CPEB3: variants seen among roughly 807,000 people sequenced by gnomAD.
CPEB3 encodes the protein cytoplasmic polyadenylation element binding protein 3.
In CPEB3, 20 loss-of-function variants were observed where a neutral mutation model predicts 67.2. The ratio of observed to expected loss-of-function variants is 0.30; its 90% CI spans 0.21 to 0.43. The LOEUF is 0.43. CPEB3 is among the 20% of genes least tolerant of loss of function. CPEB3 has a pLI of 1.00. For missense variants in CPEB3, 746 were observed against 968.6 expected (o/e 0.77, Z 3.05); for synonymous variants, 376 against 393.1 (o/e 0.96, Z 0.51).
chr10:92,280,035 G>C (rs1164603416), intron 1 of CPEB3, among the ~76,000 whole-genome samples: 5 of 151,794 alleles, frequency 3.3e-5, no homozygotes, highest in Non-Finnish European at 7.4e-5. Flanking sequence ...GAGAGAAAGA[G>C]AGAGAGAAAG....
intron 8 of CPEB3, among the ~76,000 whole-genome samples, chr10:92,085,278 G>A (rs1470181531): frequency 6.6e-6 from 1 of 152,172 alleles, no homozygotes; most frequent in African/African-American, 2.4e-5. Flanking sequence ...GTGCTCATTG[G>A]TCTGTCTGGT....
At chr10:92,136,298 T>A (rs1316297477) in intron 6 of CPEB3, among the ~76,000 whole-genome samples, 1 of 151,946 alleles carries the variant, frequency 6.6e-6, no homozygotes, top group Non-Finnish European at 1.5e-5. Flanking sequence ...TCTTGAGTAA[T>A]ACCCCACAAG....
chr10:92,087,733 G>A (rs567447590), intron 8 of CPEB3, among the ~76,000 whole-genome samples: 1 of 152,302 alleles, frequency 6.6e-6, no homozygotes, highest in South Asian at 2.1e-4. Flanking sequence ...TTCTGTCAGA[G>A]TGAAGAGATA....
rs369275745 is a variant in CPEB3 at position 92,265,131 on chromosome 10, G to T, written c.-11-24770C>A. On this transcript the variant is annotated intron_variant, in intron 1 of 9. Transcript: ENST00000265997. ...GAGCCGATCCTGACACTGCACTCCA[G>T]CCTGGGCAACACAGCGAGACTCCGC... Among the ~76,000 whole-genome samples, 49 of 151,726 alleles carry T rather than the reference G, an allele frequency of 3.2e-4. 1 individual carries two copies. The highest frequency in any genetic ancestry group is 1.2e-3 in the African/African-American group (48 of 41,286).
intron 9 of CPEB3, among the ~76,000 whole-genome samples, chr10:92,063,812 G>A (rs879577772): frequency 7.9e-5 from 12 of 151,392 alleles, no homozygotes; most frequent in African/African-American, 2.2e-4. Context: ...GGCACGTAAA[G>A]CATGCTTATG....
chr10:92,240,371 GAA>G lies in CPEB3; in HGVS notation c.-11-12_-11-11del. 1 of 1,438,470 alleles carries G rather than the reference GAA, an allele frequency of 7.0e-7. No homozygotes were observed. Among genetic ancestry groups the G allele is most frequent in the Non-Finnish European group, 9.2e-7 (1 of 1,091,536 alleles). 89.1% of individuals were successfully genotyped at this position (1,438,470 alleles called of 1,614,324 possible). A position where few individuals can be genotyped will look rare whatever the true frequency, so the allele number is the denominator to read the frequency against. On this transcript the variant is annotated splice_polypyrimidine_tract_variant and intron_variant, in intron 1 of 9. Transcript: ENST00000265997. Reference sequence around the variant, plus strand: ...TGCATGGTTTGCGCAGCTGAAACGGGAAAAAAGAGAGACGCGTTATTGTCAAT... The same window carrying G: ...TGCATGGTTTGCGCAGCTGAAACGGGAAAAGAGAGACGCGTTATTGTCAAT...
At chr10:92,245,133 C>CTTTTTTTTTT (rs989695063) in intron 1 of CPEB3, among the ~76,000 whole-genome samples, 1 of 98,068 alleles carries the variant, frequency 1.0e-5, no homozygotes, top group African/African-American at 4.0e-5. Flanking sequence ...AGAAAAGAGT[C>CTTTTTTTTTT]TTTTTTTTTT....
intron 2 of CPEB3, among the ~76,000 whole-genome samples, chr10:92,229,745 T>C (rs566348773): frequency 2.0e-5 from 3 of 152,286 alleles, no homozygotes; most frequent in African/African-American, 4.8e-5. Context: ...AGATATCTTG[T>C]ATAGAAATAC....
chr10:92,147,245 C>T (rs1265757561), intron 4 of CPEB3, among the ~76,000 whole-genome samples: 1 of 152,122 alleles, frequency 6.6e-6, no homozygotes, highest in Non-Finnish European at 1.5e-5. Flanking sequence ...CACTTGAGTC[C>T]AGGAGTTCAA....
At chr10:92,056,680 G>A (rs906687158) in intron 9 of CPEB3, among the ~76,000 whole-genome samples, 3 of 152,154 alleles carry the variant, frequency 2.0e-5, no homozygotes, top group African/African-American at 7.2e-5. Flanking sequence ...ACACTTAGGT[G>A]AGTCCTAGTG....
chr10:92,236,962 TAA>T (rs2134631896), intron 2 of CPEB3, among the ~76,000 whole-genome samples: 1 of 150,422 alleles, frequency 6.6e-6, no homozygotes. Flanking sequence ...AAATAAAAAA[TAA>T]AGTTGCTATT....
intron 2 of CPEB3, among the ~76,000 whole-genome samples, chr10:92,205,315 C>T (rs550820496): frequency 6.6e-6 from 1 of 152,250 alleles, no homozygotes; most frequent in South Asian, 2.1e-4. Context: ...CTGATTAAGT[C>T]ATAGCTACCA....
At position 92,269,527 on chromosome 10, in the gene CPEB3, T is replaced by C. The variant is rs772627930; in HGVS notation, c.-12+21399A>G. Among the ~76,000 whole-genome samples, 14 of 152,246 alleles carry C rather than the reference T, an allele frequency of 9.2e-5. No homozygotes were observed. In the South Asian group the frequency reaches 2.3e-3, roughly 25 times the overall value. On this transcript the variant is annotated intron_variant, in intron 1 of 9. Coordinates refer to ENST00000265997, the MANE Select transcript of CPEB3 (RefSeq NM_014912.5). ...AAAGTGACTCAAGTGTCATTTCAAC[T>C]GTGCATCTTGACCCAGCTGATGATT...
In CPEB3 at chr10:92,052,206, C is replaced by G. The variant is rs746809792; in HGVS notation, c.*6G>C. On this transcript the variant is annotated 3_prime_UTR_variant, in exon 10 of 10. Coordinates refer to ENST00000265997, the MANE Select transcript of CPEB3 (RefSeq NM_014912.5). The stretch of plus-strand genomic sequence containing the variant: ...TCCAGTACTTGTGGCTGGGTCGGCC[C>G]GTGGCTCAGCTCCAGCGGAACGGGA... 6.2e-7 allele frequency: 1 copy of G among 1,609,810 alleles called. No homozygotes were observed. Among genetic ancestry groups the G allele is most frequent in the Non-Finnish European group, 8.5e-7 (1 of 1,177,190 alleles).
chr10:92,099,496 T>A (rs772748903), intron 7 of CPEB3, among the ~76,000 whole-genome samples: 3 of 152,022 alleles, frequency 2.0e-5, no homozygotes, highest in Non-Finnish European at 4.4e-5. Context: ...TATGATAACA[T>A]CATTTCCTAA....
intron 1 of CPEB3, among the ~76,000 whole-genome samples, chr10:92,289,732 AATATAT>A (rs71025390): frequency 5.3e-5 from 4 of 75,772 alleles, no homozygotes; most frequent in Non-Finnish European, 1.0e-4. Context: ...AAAAAAAAAA[AATATAT>A]ATATATATAT....
At chr10:92,133,432 A>C (rs1412143498) in intron 6 of CPEB3, among the ~76,000 whole-genome samples, 1 of 152,234 alleles carries the variant, frequency 6.6e-6, no homozygotes, top group African/African-American at 2.4e-5. Context: ...AAATGGGTAA[A>C]TTCCTGGACA....
intron 8 of CPEB3, among the ~76,000 whole-genome samples, chr10:92,084,363 T>C (rs1050343588): frequency 2.0e-5 from 3 of 152,090 alleles, no homozygotes; most frequent in Admixed American, 1.3e-4. Flanking sequence ...CAACCAATTA[T>C]AAATAAATAA....
chr10:92,269,708 C>T (rs1473001527), intron 1 of CPEB3, among the ~76,000 whole-genome samples: 3 of 152,046 alleles, frequency 2.0e-5, no homozygotes, highest in Non-Finnish European at 4.4e-5. Flanking sequence ...CAGGCATGCA[C>T]CACTGTGCCC....
Sources: allele counts gnomAD v4.1 joint callset (sites outside exome capture counted in the v4.1 genomes callset), GRCh38; gene constraint gnomAD v4.1.1; transcripts MANE v1.5; gene names NCBI Gene and HGNC (gene_info 2026-07-23, HGNC 2026-07-21).